Variants in WNT3 observed in about 807,000 individuals in gnomAD.
The protein encoded by WNT3 is Wnt family member 3.
Under a neutral mutation model 34.2 loss-of-function variants are expected in WNT3, and 7 were observed. That is an observed-to-expected ratio of 0.20 (90% CI 0.12 to 0.38). The LOEUF is 0.38. Ranked by LOEUF, WNT3 falls within the 10% of genes least tolerant of loss-of-function variation. The pLI is 1.00. For synonymous variants in WNT3, 212 were observed against 211.5 expected (o/e 1.00, Z -0.02); for missense variants, 267 against 499.8 (o/e 0.53, Z 4.44).
chr17:46,764,983 G>A (rs755756502), intron 4 of WNT3, among the ~76,000 whole-genome samples: 14 of 152,236 alleles, frequency 9.2e-5, no homozygotes, highest in Non-Finnish European at 1.5e-4. Flanking sequence ...CTGCTGTGCT[G>A]GGCTCACGCC....
At chr17:46,803,521 T>C (rs1235607171) in intron 1 of WNT3, among the ~76,000 whole-genome samples, 1 of 152,118 alleles carries the variant, frequency 6.6e-6, no homozygotes, top group Non-Finnish European at 1.5e-5. Context: ...AGTGCAAGAC[T>C]ATGTCTCAAG....
chr17:46,772,924 G>A (rs994240358), intron 2 of WNT3, among the ~76,000 whole-genome samples: 2 of 152,122 alleles, frequency 1.3e-5, no homozygotes, highest in African/African-American at 4.8e-5. Context: ...TGGCCAGCCC[G>A]GCCAGGATCG....
At chr17:46,793,885 C>T (rs1293446724) in intron 1 of WNT3, among the ~76,000 whole-genome samples, 1 of 152,136 alleles carries the variant, frequency 6.6e-6, no homozygotes, top group African/African-American at 2.4e-5. Flanking sequence ...GGAGTTGGAC[C>T]CCAAATCCCA....
chr17:46,784,584 C>A (rs558753083), intron 1 of WNT3, among the ~76,000 whole-genome samples: 2 of 152,254 alleles, frequency 1.3e-5, no homozygotes, highest in Non-Finnish European at 2.9e-5. Context: ...CTGAACCTCA[C>A]ACTAGGAGGC....
At chr17:46,780,648 C>T (rs2059452605) in intron 1 of WNT3, among the ~76,000 whole-genome samples, 1 of 152,048 alleles carries the variant, frequency 6.6e-6, no homozygotes, top group Non-Finnish European at 1.5e-5. Context: ...TGGTGGCAGG[C>T]GCCTGTAGCC....
At chr17:46,816,508 C>T (rs1568100637) in intron 1 of WNT3, among the ~76,000 whole-genome samples, 1 of 141,092 alleles carries the variant, frequency 7.1e-6, no homozygotes, top group East Asian at 2.2e-4. Flanking sequence ...CACACACACA[C>T]ACACACACCT....
intron 1 of WNT3, among the ~76,000 whole-genome samples, chr17:46,781,000 G>A (rs931151560): frequency 1.3e-5 from 2 of 151,982 alleles, no homozygotes; most frequent in South Asian, 2.1e-4. Context: ...AGGCTGAGGC[G>A]GGTGGATCAC....
rs1368344578 is a variant in WNT3, at chr17:46,818,502, A to T, written c.80+16T>A. ...CGGAGAAACCGGGCCGCGGGCAGAC[A>T]AGAGGCGAGTCTTACCACCAAATTG... On this transcript the variant is annotated intron_variant, in intron 1 of 4. Coordinates refer to ENST00000225512, the MANE Select transcript of WNT3 (RefSeq NM_030753.5). 6.3e-7 allele frequency: 1 copy of T among 1,599,474 alleles called. No individual in the cohort carries two copies. The highest frequency in any genetic ancestry group is 2.3e-5 in the East Asian group (1 of 44,330).
rs547332948 is a variant in WNT3 at position 46,789,423 on chromosome 17, G to A, written c.81-15514C>T. Among the ~76,000 whole-genome samples, 3 of 152,302 alleles carry A rather than the reference G, an allele frequency of 2.0e-5. No homozygotes were observed. In the South Asian group the frequency reaches 6.2e-4, roughly 32 times the overall value. ...CCCAGGCTCCAACACCAGCGTGGCA[G>A]GATCAGAGCCTCTGGGGAGGAGTCC... On this transcript the variant is annotated intron_variant, in intron 1 of 4. Coordinates refer to ENST00000225512, the MANE Select transcript of WNT3 (RefSeq NM_030753.5).
rs115758927 is a variant in WNT3, at chr17:46,786,455, C to T, written c.81-12546G>A. ...CTAGGCCCAGAGGGGTGTCCAGAGACGGGTAAAAGGCAGGGACCTCACTCT... is the reference window on the plus strand; with the variant it reads ...CTAGGCCCAGAGGGGTGTCCAGAGATGGGTAAAAGGCAGGGACCTCACTCT... On this transcript the variant is annotated intron_variant, in intron 1 of 4. Coordinates refer to ENST00000225512, the MANE Select transcript of WNT3 (RefSeq NM_030753.5). Among the ~76,000 whole-genome samples, 937 of 152,310 alleles carry T rather than the reference C, an allele frequency of 6.2e-3. 8 individuals carry two copies. Among genetic ancestry groups the T allele is most frequent in the African/African-American group, 0.021 (892 of 41,570 alleles).
chr17:46,773,003 TCC>T, intron 2 of WNT3, among the ~76,000 whole-genome samples: 1 of 152,136 alleles, frequency 6.6e-6, no homozygotes, highest in Non-Finnish European at 1.5e-5. Context: ...AGCCCCCAAG[TCC>T]CCTTCTTGGG....
At chr17:46,779,103 A>ACACACACACACACACACACACACACCCC (rs749719578) in intron 1 of WNT3, among the ~76,000 whole-genome samples, 6 of 133,588 alleles carry the variant, frequency 4.5e-5, no homozygotes, top group African/African-American at 1.4e-4. Flanking sequence ...ACACACACAC[A>ACACACACACACACACACACACACACCCC]CCCCAGCCCA....
intron 1 of WNT3, among the ~76,000 whole-genome samples, chr17:46,808,345 A>T (rs2084223839): frequency 6.6e-6 from 1 of 152,254 alleles, no homozygotes; most frequent in African/African-American, 2.4e-5. Flanking sequence ...GTTCACAAAT[A>T]GTATCTATAA....
intron 1 of WNT3, among the ~76,000 whole-genome samples, chr17:46,792,720 C>T (rs1391550533): frequency 6.6e-6 from 1 of 152,220 alleles, no homozygotes; most frequent in African/African-American, 2.4e-5. Context: ...GATCTGCCCA[C>T]CTCTGCCTCC....
intron 1 of WNT3, among the ~76,000 whole-genome samples, chr17:46,784,777 C>CT (rs138267924): frequency 4.0e-4 from 52 of 129,284 alleles, no homozygotes; most frequent in Admixed American, 1.8e-3. Context: ...TTTTGCTTTT[C>CT]TTTTTTTTTT....
intron 1 of WNT3, among the ~76,000 whole-genome samples, chr17:46,816,717 C>T (rs1220670757): frequency 6.6e-6 from 1 of 152,208 alleles, no homozygotes; most frequent in Admixed American, 6.5e-5. Flanking sequence ...AGAGTGCCCT[C>T]TTCTAGTTCA....
chr17:46,783,323 G>A (rs1383618220), intron 1 of WNT3, among the ~76,000 whole-genome samples: 1 of 152,216 alleles, frequency 6.6e-6, no homozygotes, highest in Non-Finnish European at 1.5e-5. Flanking sequence ...GGAGTCAGTG[G>A]AAGTGCCTGT....
chr17:46,812,953 G>T (rs1473374455), intron 1 of WNT3, among the ~76,000 whole-genome samples: 3 of 152,132 alleles, frequency 2.0e-5, no homozygotes, highest in Admixed American at 2.0e-4. Flanking sequence ...TGAGGAAACT[G>T]AGGCTTGCAG....
At chr17:46,814,402 T>C (rs2084314031) in intron 1 of WNT3, among the ~76,000 whole-genome samples, 2 of 152,128 alleles carry the variant, frequency 1.3e-5, no homozygotes, top group South Asian at 4.2e-4. Flanking sequence ...CGGCCACCAA[T>C]TTTGCTCCCT....
Sources: gnomAD v4.1 joint callset for allele counts (sites outside exome capture counted in the v4.1 genomes callset) on GRCh38, gnomAD v4.1.1 for gene constraint, MANE v1.5 for transcripts, NCBI Gene and HGNC (gene_info 2026-07-23, HGNC 2026-07-21) for gene names.